Variants in COL5A1 observed in about 807,000 individuals in gnomAD.
COL5A1 encodes collagen type V alpha 1 chain.
Under a neutral mutation model 263.7 loss-of-function variants are expected in COL5A1, and 16 were observed. The ratio of observed to expected loss-of-function variants is 0.06; its 90% CI spans 0.04 to 0.09. The LOEUF (loss-of-function observed/expected upper bound fraction) is 0.09. Ranked by LOEUF, COL5A1 falls within the 10% of genes least tolerant of loss-of-function variation. The probability of loss-of-function intolerance (pLI) is 1.00; values close to 1 mark genes in which losing one functional copy is unlikely to be tolerated. For missense variants in COL5A1, 2,036 were observed against 2,540.5 expected, an observed-to-expected ratio of 0.80 and a Z score of 4.27; for synonymous variants, 1,012 against 1,004.5, an observed-to-expected ratio of 1.01 and a Z score of -0.14.
chr9:134,718,092 T>C (rs1362775997), intron 4 of COL5A1, among the ~76,000 whole-genome samples: 4 of 152,192 alleles, frequency 2.6e-5, no homozygotes, highest in Non-Finnish European at 4.4e-5. Flanking sequence ...GGCTCTCCAA[T>C]GAAAACTTTG....
At chr9:134,814,597 C>T (rs1252342819) in intron 49 of COL5A1, among the ~76,000 whole-genome samples, 200 bp from the exon 50 acceptor site, 2 of 152,206 alleles carry the variant, frequency 1.3e-5, no homozygotes, top group African/African-American at 4.8e-5. Context: ...GTGAAGGCTC[C>T]TCAGGTCCCC....
intron 5 of COL5A1, among the ~76,000 whole-genome samples, chr9:134,727,810 G>A (rs531747232): frequency 1.3e-5 from 2 of 152,252 alleles, no homozygotes; most frequent in South Asian, 2.1e-4. Flanking sequence ...GCCAGCCCTC[G>A]GATCCCTTGA....
intron 9 of COL5A1, chr9:134,732,809 G>A (rs1317172960): frequency 6.3e-6 from 1 of 159,082 alleles, no homozygotes; most frequent in Non-Finnish European, 1.4e-5. Context: ...GTTTGGTGGG[G>A]GCCCTGCCCC....
rs930272875 is a variant in COL5A1, at chr9:134,678,088, G to A, written c.110-12824G>A. Among the ~76,000 whole-genome samples the A allele has an allele frequency of 5.9e-5, 9 of 152,210 alleles. No homozygotes were observed. Among genetic ancestry groups the A allele is most frequent in the Non-Finnish European group, 1.0e-4 (7 of 68,030 alleles). The stretch of plus-strand genomic sequence containing the variant: ...TGCTCTCCCCAGCGTCACTCCCTCC[G>A]CAGCAGGGTATCTGCAGGGGTCTTG... On this transcript the variant is annotated intron_variant, in intron 1 of 65. Coordinates refer to ENST00000371817, the MANE Select transcript of COL5A1 (RefSeq NM_000093.5). The surrounding 1 kb of genome is among the most constrained non-coding windows in gnomAD (Gnocchi z 5.5).
intron 11 of COL5A1, among the ~76,000 whole-genome samples, chr9:134,749,354 A>G (rs1261338564): frequency 6.6e-6 from 1 of 152,260 alleles, no homozygotes; most frequent in African/African-American, 2.4e-5. Flanking sequence ...GAACTTGAGC[A>G]CTGGTTACAT....
At chr9:134,649,251 G>A (rs1019227438) in intron 1 of COL5A1, 8 of 325,682 alleles carry the variant, frequency 2.5e-5, no homozygotes, top group Admixed American at 9.6e-5. Context: ...AGTCCGAGCC[G>A]TCACACCCTC....
chr9:134,699,935 A>T lies in COL5A1; in HGVS notation c.304A>T (p.Ile102Phe). ...GTCTGCATTTCCCGAGGACTTCTCC[A>T]TCCTAACAACTGTGAAAGCCAAGAA... ...PASAFPEDFS[I>F]LTTVKAKKGS... Residue 102 changes from isoleucine (I) to phenylalanine (F), a missense_variant, in exon 3 of 66, where the codon ATC (isoleucine) becomes TTC (phenylalanine). Physicochemically the swap from Ile to Phe is conservative, Grantham distance 21 (BLOSUM62 0). Around this residue, in one of 3 missense-constraint regions of COL5A1, gnomAD observed 600 missense variants for 634.5 expected, o/e 0.95. Coordinates refer to ENST00000371817, the MANE Select transcript of COL5A1 (RefSeq NM_000093.5). 1.2e-6 allele frequency: 2 copies of T among 1,614,004 alleles called. No homozygotes were observed. The highest frequency in any genetic ancestry group is 2.7e-5 in the African/African-American group (2 of 75,048).
chr9:134,771,402 G>T (rs1216816480), intron 25 of COL5A1, among the ~76,000 whole-genome samples: 1 of 152,240 alleles, frequency 6.6e-6, no homozygotes, highest in African/African-American at 2.4e-5. Context: ...AGGCGGCGTG[G>T]TGGCCAAGCA....
chr9:134,780,398 T>C (rs1837208314), intron 28 of COL5A1, among the ~76,000 whole-genome samples: 1 of 152,126 alleles, frequency 6.6e-6, no homozygotes, highest in African/African-American at 2.4e-5. Flanking sequence ...AGGGTTTGTG[T>C]CTCTGCACAA....
chr9:134,797,649 A>C (rs938674453), intron 36 of COL5A1, among the ~76,000 whole-genome samples: 2 of 151,910 alleles, frequency 1.3e-5, no homozygotes, highest in Non-Finnish European at 2.9e-5. Flanking sequence ...CACCCAGCTA[A>C]TTTTTGTATT....
intron 64 of COL5A1, among the ~76,000 whole-genome samples, chr9:134,831,122 C>CCATGGGT (rs1420433577): frequency 6.6e-6 from 1 of 152,222 alleles, no homozygotes; most frequent in Non-Finnish European, 1.5e-5. Flanking sequence ...TGACCACTTG[C>CCATGGGT]CATGGGTTGC....
Position 134,812,788 on chromosome 9 carries a change from C to A in COL5A1, c.3852+76C>A, listed in dbSNP as rs555527908. 26 of 918,492 alleles carry A rather than the reference C, an allele frequency of 2.8e-5. No homozygotes were observed. The East Asian group carries it at 4.1e-4, about 14-fold the overall frequency. 56.9% of individuals were successfully genotyped at this position (918,492 alleles called of 1,614,324 possible). A position where few individuals can be genotyped will look rare whatever the true frequency, so the allele number is the denominator to read the frequency against. ...TGTGTGTGTGTCTGTGTGTGTGTGT[C>A]TGTGTGTATGTGTATGTGCGCATGC... On this transcript the variant is annotated intron_variant, in intron 48 of 65. Coordinates refer to ENST00000371817, the MANE Select transcript of COL5A1 (RefSeq NM_000093.5).
intron 64 of COL5A1, chr9:134,833,017 A>G (rs1183964953): frequency 6.6e-6 from 1 of 152,272 alleles, no homozygotes; most frequent in African/African-American, 2.4e-5. Flanking sequence ...GCAGGGTCCA[A>G]AACACACCAC....
chr9:134,815,598 A>T lies in COL5A1; in HGVS notation c.4037A>T (p.Asp1346Val). Residue 1346 changes from aspartate to valine, a missense_variant, in exon 51 of 66, where the codon GAT (aspartate) becomes GTT (valine). Asp to Val is a radical substitution (Grantham distance 152). Coordinates refer to ENST00000371817, the MANE Select transcript of COL5A1 (RefSeq NM_000093.5). ...GSPGPVGFPGDPGPPGEPGPA... is the reference protein window; with the variant it reads ...GSPGPVGFPGVPGPPGEPGPA... ...CAGGGCCCAGTGGGTTTTCCTGGAG[A>T]TCCTGGCCCCCCCGGAGAGCCTGGC... is the stretch of plus-strand genomic sequence containing the variant. 6.2e-7 allele frequency: 1 copy of T among 1,613,368 alleles called. No homozygotes were observed. Among genetic ancestry groups the T allele is most frequent in the Non-Finnish European group, 8.5e-7 (1 of 1,179,844 alleles).
intron 7 of COL5A1, among the ~76,000 whole-genome samples, chr9:134,731,190 TG>T (rs1834866823): frequency 6.6e-6 from 1 of 152,194 alleles, no homozygotes; most frequent in South Asian, 2.1e-4. Flanking sequence ...AGCACCGCCC[TG>T]GGATGCATTA....
chr9:134,642,513 G>T lies in COL5A1; in HGVS notation c.109+217G>T, dbSNP rs1185403520. Among the ~76,000 whole-genome samples, 1 of 151,798 alleles carries T rather than the reference G, an allele frequency of 6.6e-6. No individual in the cohort carries two copies. The highest frequency in any genetic ancestry group is 2.4e-5 in the African/African-American group (1 of 41,410). On this transcript the variant is annotated intron_variant, in intron 1 of 65. Transcript: ENST00000371817. This position sits in a 1 kb window ranked among gnomAD's most constrained non-coding sequence, Gnocchi z 4.5. Reference sequence around the variant, plus strand: ...GCCGCCGCCCCCTCCCCAGACGGGCGGGTCGGGTGGGGCTGTCGCGCGAGC... The same window carrying T: ...GCCGCCGCCCCCTCCCCAGACGGGCTGGTCGGGTGGGGCTGTCGCGCGAGC...
chr9:134,699,527 G>T (rs939859797), intron 2 of COL5A1, among the ~76,000 whole-genome samples: 1 of 147,066 alleles, frequency 6.8e-6, no homozygotes, highest in Non-Finnish European at 1.5e-5. Flanking sequence ...CTCATGGAGC[G>T]TACTAAGACA....
At chr9:134,808,898 T>A in intron 42 of COL5A1, 1 of 511,988 alleles carries the variant, frequency 2.0e-6, no homozygotes, top group South Asian at 2.1e-5. Context: ...GGATCCTGTC[T>A]CTACTGCTCA....
Position 134,728,289 on chromosome 9 carries a change from G to C in COL5A1, c.787-381G>C, listed in dbSNP as rs1298332836. 2.6e-5 allele frequency among the ~76,000 whole-genome samples: 4 copies of C among 152,346 alleles called. No individual in the cohort carries two copies. The East Asian group carries it at 5.8e-4, about 22-fold the overall frequency. ...CTGAAGCCCTACCCGTGGGGTCCCTGGGCTTTGAGGCTTGGGGCTGAAGGC... is the reference window on the plus strand; with the variant it reads ...CTGAAGCCCTACCCGTGGGGTCCCTCGGCTTTGAGGCTTGGGGCTGAAGGC... On this transcript the variant is annotated intron_variant, in intron 5 of 65. Transcript: ENST00000371817.
Sources: allele counts gnomAD v4.1 joint callset (sites outside exome capture counted in the v4.1 genomes callset), GRCh38; gene constraint gnomAD v4.1.1; regional missense constraint gnomAD v4.1.1; non-coding constraint Gnocchi (gnomAD v3.1); transcripts MANE v1.5; gene names NCBI Gene and HGNC (gene_info 2026-07-23, HGNC 2026-07-21).